CD81: variants seen among roughly 807,000 people sequenced by gnomAD.
CD81 encodes the protein CD81 antigen.
Under a neutral mutation model 30.1 loss-of-function variants are expected in CD81, and 10 were observed. The ratio of observed to expected loss-of-function variants is 0.33; its 90% CI spans 0.21 to 0.56. The LOEUF is 0.56. Ranked by LOEUF, CD81 falls within the 20% of genes least tolerant of loss-of-function variation. CD81 has a pLI of 0.89. For synonymous variants in CD81, 147 were observed against 126.4 expected, an observed-to-expected ratio of 1.16 and a Z score of -1.10; for missense variants, 263 against 308.7, an observed-to-expected ratio of 0.85 and a Z score of 1.11.
intron 1 of CD81, among the ~76,000 whole-genome samples, chr11:2,379,749 G>A (rs538051982): frequency 2.6e-5 from 4 of 152,154 alleles, no homozygotes; most frequent in East Asian, 1.9e-4. Context: ...AGGCCTCACC[G>A]CTCCTCTCCC....
chr11:2,386,155 A>T (rs544969366), intron 1 of CD81: 1 of 717,366 alleles, frequency 1.4e-6, no homozygotes, highest in East Asian at 2.7e-5. Flanking sequence ...GTCCCTGGCA[A>T]GGTGGAGCAT....
chr11:2,386,383 G>A (rs1199960968), intron 1 of CD81: 1 of 632,402 alleles, frequency 1.6e-6, no homozygotes, highest in Non-Finnish European at 2.9e-6. Context: ...CTCTAGCCCT[G>A]CCACATGGGG....
At chr11:2,396,760 C>A in intron 7 of CD81, 44 bp from the exon 8 acceptor site, 1 of 1,611,690 alleles carries the variant, frequency 6.2e-7, no homozygotes, top group Non-Finnish European at 8.5e-7. Flanking sequence ...CTGCCCCTTC[C>A]GCGGGGCCTT....
chr11:2,393,658 C>G, intron 2 of CD81: 1 of 549,268 alleles, frequency 1.8e-6, no homozygotes, highest in Non-Finnish European at 3.2e-6. Flanking sequence ...CCCCGGCCTA[C>G]AGTGGGGCCC....
At chr11:2,389,822 CCCTCT>C (rs1246063546) in intron 1 of CD81, among the ~76,000 whole-genome samples, 1 of 152,086 alleles carries the variant, frequency 6.6e-6, no homozygotes, top group Non-Finnish European at 1.5e-5. Flanking sequence ...TCAAATCCTA[CCCTCT>C]CCTCCTGGCA....
intron 1 of CD81, chr11:2,386,620 CT>C (rs1227266245): frequency 2.8e-6 from 2 of 717,228 alleles, no homozygotes; most frequent in Non-Finnish European, 5.2e-6. Context: ...CATGCTAGGG[CT>C]GGGAAGACCA....
chr11:2,379,915 T>C (rs2521258), intron 1 of CD81, among the ~76,000 whole-genome samples: 99,887 of 152,116 alleles, frequency 0.66, 34,715 homozygotes, highest in Non-Finnish European at 0.8. Context: ...CACCCTGGTG[T>C]CGCAGGGTGT....
intron 4 of CD81, 32 bp downstream of exon 4, chr11:2,395,078 T>A: frequency 7.7e-7 from 1 of 1,303,340 alleles, no homozygotes; most frequent in Non-Finnish European, 1.1e-6. Flanking sequence ...CAGGGTGGGG[T>A]GGGTGACGGG....
intron 1 of CD81, among the ~76,000 whole-genome samples, chr11:2,380,250 T>G (rs549947837): frequency 3.9e-4 from 59 of 152,038 alleles, no homozygotes; most frequent in African/African-American, 1.3e-3. Context: ...CTGTGGGCTC[T>G]GGGGAGGCTG....
intron 2 of CD81, chr11:2,391,621 C>T (rs56924489): frequency 0.1 from 15,899 of 152,126 alleles, 2,405 homozygotes; most frequent in African/African-American, 0.34. Flanking sequence ...CTGTGGCCCA[C>T]GGAGGGTTTC....
At position 2,396,316 on chromosome 11, in the gene CD81, C is replaced by G. The variant is rs1472461406; in HGVS notation, c.562-312C>G. 6 of 572,036 alleles carry G rather than the reference C, an allele frequency of 1.0e-5. No individual in the cohort carries two copies. In the Admixed American group the frequency reaches 1.8e-4, roughly 17 times the overall value. The allele number at this position is 572,036 out of a possible 1,614,324, so 35.4% of individuals were successfully genotyped here. On this transcript the variant is annotated intron_variant, in intron 6 of 7. Coordinates refer to ENST00000263645, the MANE Select transcript of CD81 (RefSeq NM_004356.4). ...CCATATAGTGCCCTGTGGAAGTTTC[C>G]TGCTGAGGCCTCAGTGGAAGTCGTC... is the stretch of plus-strand genomic sequence containing the variant.
Position 2,377,877 on chromosome 11 carries a change from C to A in CD81, c.66+262C>A, listed in dbSNP as rs1403971637. On this transcript the variant is annotated intron_variant, in intron 1 of 7. Coordinates refer to ENST00000263645, the MANE Select transcript of CD81 (RefSeq NM_004356.4). This position sits in a 1 kb window ranked among gnomAD's most constrained non-coding sequence, Gnocchi z 7.7. The stretch of plus-strand genomic sequence containing the variant: ...CGGCCGGGCCGGGGCTTCTGGGGGC[C>A]GCCGGGCAGTTCCCGCTGTGGTGGT... 2 of 221,750 alleles carry A rather than the reference C, an allele frequency of 9.0e-6. No individual in the cohort carries two copies. Among genetic ancestry groups the A allele is most frequent in the Non-Finnish European group, 1.8e-5 (2 of 112,216 alleles). The allele number at this position is 221,750 out of a possible 1,614,324, so 13.7% of individuals were successfully genotyped here. A position where few individuals can be genotyped will look rare whatever the true frequency, so the allele number is the denominator to read the frequency against.
At chr11:2,393,727 G>C in intron 2 of CD81, 1 of 597,884 alleles carries the variant, frequency 1.7e-6, no homozygotes, top group Non-Finnish European at 3.0e-6. Flanking sequence ...CTTTGGGAGC[G>C]GGTGAAGGCG....
chr11:2,379,530 G>A (rs1849668880), intron 1 of CD81, among the ~76,000 whole-genome samples: 1 of 150,906 alleles, frequency 6.6e-6, no homozygotes. Flanking sequence ...GGGAGTCACG[G>A]GAGGGGACTT....
upstream of CD81, chr11:2,376,961 G>A (rs1849602272): frequency 6.6e-6 from 1 of 152,408 alleles, no homozygotes; most frequent in Admixed American, 6.5e-5. Context: ...ATTGTCCAAG[G>A]TGCTTGAGGG....
intron 2 of CD81, chr11:2,392,096 C>A (rs943459665): frequency 6.6e-6 from 1 of 152,206 alleles, no homozygotes; most frequent in Non-Finnish European, 1.5e-5. Context: ...ACAGGAGGGG[C>A]TGCCCCTGCC....
chr11:2,383,304 C>T (rs1160752549), intron 1 of CD81, among the ~76,000 whole-genome samples: 1 of 152,066 alleles, frequency 6.6e-6, no homozygotes, highest in Non-Finnish European at 1.5e-5. Flanking sequence ...CTGAGAGGGC[C>T]CTACGTCACC....
At chr11:2,394,775 T>G in intron 3 of CD81, 197 bp from the exon 4 acceptor site, 2 of 650,836 alleles carry the variant, frequency 3.1e-6, no homozygotes, top group Non-Finnish European at 2.8e-6. Context: ...TCCTGGGCTT[T>G]GACGGCTCCT....
At chr11:2,385,817 A>C (rs1477523011) in intron 1 of CD81, 1 of 637,918 alleles carries the variant, frequency 1.6e-6, no homozygotes. Flanking sequence ...GTCAGTGGGC[A>C]TATGGGTTGT....
Sources: gnomAD v4.1 joint callset for allele counts (sites outside exome capture counted in the v4.1 genomes callset) on GRCh38, gnomAD v4.1.1 for gene constraint, Gnocchi (gnomAD v3.1) non-coding constraint, MANE v1.5 for transcripts, NCBI Gene and HGNC (gene_info 2026-07-23, HGNC 2026-07-21) for gene names.